Variants in PAN3 observed in about 807,000 individuals in gnomAD.
PAN3 encodes poly(A) specific ribonuclease subunit PAN3.
Under a neutral mutation model 96.2 loss-of-function variants are expected in PAN3, and 19 were observed. That is an observed-to-expected ratio of 0.20 (90% CI 0.14 to 0.29). PAN3 has a LOEUF of 0.29. PAN3 is among the 10% of genes least tolerant of loss of function. The pLI, the probability that PAN3 is intolerant of heterozygous loss-of-function variation, is 1.00. For missense variants in PAN3, 882 were observed against 1,108.1 expected (o/e 0.80, Z 2.90); for synonymous variants, 433 against 406.6 (o/e 1.06, Z -0.78).
chr13:28,172,915 T>G (rs1203019777), intron 1 of PAN3, among the ~76,000 whole-genome samples: 1 of 152,184 alleles, frequency 6.6e-6, no homozygotes, highest in Non-Finnish European at 1.5e-5. Context: ...GAGAGTTTAT[T>G]TGGGCCAGAC....
At chr13:28,164,842 T>A (rs554450319) in intron 1 of PAN3, among the ~76,000 whole-genome samples, 19 of 152,344 alleles carry the variant, frequency 1.2e-4, no homozygotes, top group East Asian at 5.8e-4. Flanking sequence ...TGGATTTTTT[T>A]AAAAAGTAGG....
At chr13:28,239,239 G>T (rs1883421286) in intron 6 of PAN3, among the ~76,000 whole-genome samples, 1 of 143,050 alleles carries the variant, frequency 7.0e-6, no homozygotes. Flanking sequence ...TAACCAACTT[G>T]TCAAAGAAAA....
chr13:28,203,522 C>T (rs1039159757), intron 5 of PAN3, among the ~76,000 whole-genome samples: 1 of 150,730 alleles, frequency 6.6e-6, no homozygotes, highest in Non-Finnish European at 1.5e-5. Context: ...TTGCTCAGGC[C>T]GGTCTTGAAC....
intron 6 of PAN3, among the ~76,000 whole-genome samples, chr13:28,254,649 A>G (rs1884995382): frequency 6.6e-6 from 1 of 152,182 alleles, no homozygotes; most frequent in Non-Finnish European, 1.5e-5. Flanking sequence ...CAGCTCTGGA[A>G]TAGTTTTTAA....
chr13:28,217,598 C>CAA (rs11426953), intron 5 of PAN3, among the ~76,000 whole-genome samples: 24 of 130,838 alleles, frequency 1.8e-4, no homozygotes, highest in Admixed American at 2.9e-4. Flanking sequence ...AAAAAAAAAA[C>CAA]AAAAAAAAAA....
At chr13:28,151,019 A>T (rs1871295255) in intron 1 of PAN3, among the ~76,000 whole-genome samples, 1 of 152,296 alleles carries the variant, frequency 6.6e-6, no homozygotes, top group South Asian at 2.1e-4. Context: ...ATAGAATGAA[A>T]TAGGGATATC....
chr13:28,139,559 G>A (rs1869382795), intron 1 of PAN3, among the ~76,000 whole-genome samples: 3 of 128,754 alleles, frequency 2.3e-5, no homozygotes, highest in Admixed American at 2.2e-4. Flanking sequence ...TGTAGGGGGC[G>A]GGAGGTGAGG....
At chr13:28,175,958 A>C (rs1279174779) in intron 2 of PAN3, among the ~76,000 whole-genome samples, 1 of 152,208 alleles carries the variant, frequency 6.6e-6, no homozygotes, top group Non-Finnish European at 1.5e-5. Context: ...GAAGTTACAT[A>C]TGAGACAAGG....
chr13:28,205,433 C>A (rs1879230492), intron 5 of PAN3, among the ~76,000 whole-genome samples: 1 of 152,112 alleles, frequency 6.6e-6, no homozygotes, highest in South Asian at 2.1e-4. Context: ...TCAACCCTTA[C>A]TCTATCACTT....
chr13:28,257,754 A>G (rs1885313619), intron 7 of PAN3, among the ~76,000 whole-genome samples: 1 of 137,202 alleles, frequency 7.3e-6, no homozygotes. Context: ...TATAATATAT[A>G]ATTAATTATA....
chr13:28,260,956 GT>G (rs2138618566), intron 8 of PAN3, among the ~76,000 whole-genome samples: 3 of 152,106 alleles, frequency 2.0e-5, no homozygotes, highest in East Asian at 3.8e-4. Flanking sequence ...TTTTTTAAAA[GT>G]TTTTTTGTTT....
At chr13:28,151,523 A>G (rs1341420367) in intron 1 of PAN3, among the ~76,000 whole-genome samples, 1 of 152,094 alleles carries the variant, frequency 6.6e-6, no homozygotes, top group East Asian at 1.9e-4. Context: ...TCAAAAAAAA[A>G]AAAGTTCTGT....
intron 9 of PAN3, among the ~76,000 whole-genome samples, chr13:28,262,930 T>G (rs1372178108): frequency 6.6e-6 from 1 of 152,206 alleles, no homozygotes; most frequent in Non-Finnish European, 1.5e-5. Context: ...TGAAATACTG[T>G]AGATTAGTAG....
At chr13:28,254,323 TCA>T in intron 6 of PAN3, among the ~76,000 whole-genome samples, 1 of 152,328 alleles carries the variant, frequency 6.6e-6, no homozygotes, top group Non-Finnish European at 1.5e-5. Context: ...TATACCTACC[TCA>T]CAGGGTGGTT....
At chr13:28,156,336 T>C (rs1247108664) in intron 1 of PAN3, among the ~76,000 whole-genome samples, 1 of 152,080 alleles carries the variant, frequency 6.6e-6, no homozygotes, top group Non-Finnish European at 1.5e-5. Context: ...CCTGGAAATA[T>C]ACCTCCTAAG....
chr13:28,283,484 C>A (rs1190952018), intron 17 of PAN3, among the ~76,000 whole-genome samples: 1 of 151,936 alleles, frequency 6.6e-6, no homozygotes, highest in African/African-American at 2.4e-5. Context: ...TCCCAGTTTC[C>A]CCCATCAGTC....
intron 4 of PAN3, among the ~76,000 whole-genome samples, chr13:28,182,839 A>C (rs906939618): frequency 2.0e-5 from 3 of 152,170 alleles, no homozygotes; most frequent in Admixed American, 2.0e-4. Flanking sequence ...AAGAGCACCC[A>C]TCTCTCTCTG....
intron 5 of PAN3, among the ~76,000 whole-genome samples, chr13:28,214,172 T>A (rs1880442251): frequency 6.6e-6 from 1 of 152,212 alleles, no homozygotes; most frequent in African/African-American, 2.4e-5. Context: ...ACGTATTATA[T>A]GCCCAAATCA....
In PAN3 at chr13:28,294,593, A is replaced by G. The variant is rs989320359; in HGVS notation, c.*2071A>G. 6.6e-6 allele frequency: 1 copy of G among 152,656 alleles called. No homozygotes were observed. Among genetic ancestry groups the G allele is most frequent in the Non-Finnish European group, 1.5e-5 (1 of 68,036 alleles). 9.5% of individuals were successfully genotyped at this position (152,656 alleles called of 1,614,324 possible). ...ATGTTTTGTGAAAGCTAAAGAGGGC[A>G]GGGGTTAAAATAGGGCTTGAATTTC... On this transcript the variant is annotated 3_prime_UTR_variant, in exon 19 of 19. Coordinates refer to ENST00000380958, the MANE Select transcript of PAN3 (RefSeq NM_175854.8).
Sources: allele counts gnomAD v4.1 joint callset (sites outside exome capture counted in the v4.1 genomes callset), GRCh38; gene constraint gnomAD v4.1.1; transcripts MANE v1.5; gene names NCBI Gene and HGNC (gene_info 2026-07-23, HGNC 2026-07-21).